Variants in YKT6 observed in about 807,000 individuals in gnomAD.
YKT6 encodes the protein YKT6 vesicular SNARE protein, also known as synaptobrevin homolog YKT6.
In YKT6, 12 loss-of-function variants were observed where a neutral mutation model predicts 29.3. The observed-to-expected ratio is 0.41, with a 90% confidence interval of 0.26 to 0.66. YKT6 has a LOEUF of 0.66. Among genes scored for constraint, YKT6 ranks in the 30% least tolerant of loss-of-function variants. YKT6 has a pLI of 0.32. For synonymous variants in YKT6, 86 were observed against 94.3 expected (o/e 0.91, Z 0.51); for missense variants, 188 against 243.8 (o/e 0.77, Z 1.52).
At chr7:44,210,338 G>C (rs1259072528) in intron 5 of YKT6, among the ~76,000 whole-genome samples, 1 of 152,200 alleles carries the variant, frequency 6.6e-6, no homozygotes, top group Non-Finnish European at 1.5e-5. Flanking sequence ...CCAGCCTCTG[G>C]TGGCTGCTGG....
rs1232817709 is a variant in YKT6, at chr7:44,211,220, T to G, written c.561+96T>G. On this transcript the variant is annotated intron_variant, in intron 6 of 6. Transcript: ENST00000223369. ...ACTCTCCACTATGAACGGGTCTTTC[T>G]TAGACTGTTGAATCATGGTGGATGA... is the stretch of plus-strand genomic sequence containing the variant. 4 of 1,119,508 alleles carry G rather than the reference T, an allele frequency of 3.6e-6. No individual in the cohort carries two copies. The African/African-American group carries it at 4.7e-5, about 13-fold the overall frequency. The allele number at this position is 1,119,508 out of a possible 1,614,324, so 69.3% of individuals were successfully genotyped here. A position where few individuals can be genotyped will look rare whatever the true frequency, so the allele number is the denominator to read the frequency against.
chr7:44,210,907 TTG>T, intron 5 of YKT6, 114 bp from the exon 6 acceptor site: 1 of 967,736 alleles, frequency 1.0e-6, no homozygotes, highest in Non-Finnish European at 1.6e-6. Context: ...GAGGTGAAGT[TTG>T]TGTGTGTTGG....
At chr7:44,206,714 A>C (rs1030439525) in intron 3 of YKT6, among the ~76,000 whole-genome samples, 11 of 152,132 alleles carry the variant, frequency 7.2e-5, no homozygotes, top group Non-Finnish European at 1.5e-4. Flanking sequence ...CCACTGAGTC[A>C]TAGCATCTAT....
At chr7:44,208,106 A>G in intron 4 of YKT6, 27 bp from the exon 5 acceptor site, 1 of 1,612,406 alleles carries the variant, frequency 6.2e-7, no homozygotes, top group Non-Finnish European at 8.5e-7. Context: ...TCCAGTCCTG[A>G]CTTTATTATT....
Position 44,206,497 on chromosome 7 carries a change from A to G in YKT6, c.288+12A>G. 6.2e-7 allele frequency: 1 copy of G among 1,611,318 alleles called. No individual in the cohort carries two copies. On this transcript the variant is annotated intron_variant, in intron 3 of 6. Transcript: ENST00000223369. ...CCTTGCTGGAGAAGGTGAGTTTTTT[A>G]TTTGCCTCTCCTGGACTTGGATGAT...
chr7:44,214,172 C>G lies in YKT6; in HGVS notation c.*1890C>G, dbSNP rs1232330115. On this transcript the variant is annotated 3_prime_UTR_variant, in exon 7 of 7. Transcript: ENST00000223369. ...CCCAGCCCAGCCCCACCCACAGATC[C>G]CCTGCTCCTGTTGTGTTCTGTTGTA... 2 of 152,258 alleles carry G rather than the reference C, an allele frequency of 1.3e-5. No homozygotes were observed. The highest frequency in any genetic ancestry group is 4.8e-5 in the African/African-American group (2 of 41,454). 9.4% of individuals were successfully genotyped at this position (152,258 alleles called of 1,614,324 possible).
chr7:44,206,233 G>A, intron 2 of YKT6, 152 bp from the exon 3 acceptor site: 1 of 707,298 alleles, frequency 1.4e-6, no homozygotes, highest in Non-Finnish European at 2.4e-6. Context: ...ATTGGGCTGT[G>A]CTGCTAAGCC....
intron 5 of YKT6, 195 bp from the exon 6 acceptor site, chr7:44,210,828 G>A (rs1251628819): frequency 4.7e-6 from 3 of 644,582 alleles, no homozygotes; most frequent in Non-Finnish European, 2.9e-6. Context: ...TAGATTTCAC[G>A]GGAATGTCAC....
chr7:44,202,004 G>A (rs1363746038), intron 1 of YKT6, among the ~76,000 whole-genome samples: 1 of 152,174 alleles, frequency 6.6e-6, no homozygotes, highest in Non-Finnish European at 1.5e-5. Context: ...TTAATTGCTG[G>A]AACGTGTTAG....
chr7:44,212,124 T>G, intron 6 of YKT6, 123 bp from the exon 7 acceptor site: 1 of 1,180,722 alleles, frequency 8.5e-7, no homozygotes. Context: ...CCCCACCCTG[T>G]TCTAGTGCTA....
chr7:44,202,296 G>A (rs914887101), intron 1 of YKT6, among the ~76,000 whole-genome samples: 20 of 152,212 alleles, frequency 1.3e-4, no homozygotes, highest in African/African-American at 4.6e-4. Flanking sequence ...TGGTAAAATG[G>A]TACACAAAAT....
chr7:44,208,228 G>T, intron 5 of YKT6, 30 bp downstream of exon 5: 3 of 1,612,640 alleles, frequency 1.9e-6, no homozygotes, highest in Non-Finnish European at 1.7e-6. Flanking sequence ...GCAAGCCCAA[G>T]AACTGAGGCG....
intron 6 of YKT6, 63 bp downstream of exon 6, chr7:44,211,187 C>A: frequency 7.2e-7 from 1 of 1,392,456 alleles, no homozygotes; most frequent in Non-Finnish European, 1.0e-6. Flanking sequence ...CAGCTTGCTG[C>A]TTCTGGCACT....
chr7:44,203,005 C>T (rs1468436710), intron 1 of YKT6, among the ~76,000 whole-genome samples: 2 of 152,178 alleles, frequency 1.3e-5, no homozygotes, highest in African/African-American at 4.8e-5. Context: ...GGGATGCCCA[C>T]ACTAGTTTCC....
chr7:44,205,802 GAGGC>G (rs2128839161), intron 2 of YKT6, among the ~76,000 whole-genome samples: 1 of 152,286 alleles, frequency 6.6e-6, no homozygotes, highest in South Asian at 2.1e-4. Context: ...CAGTGCTCTG[GAGGC>G]CTTAGCTGGC....
At position 44,204,604 on chromosome 7, in the gene YKT6, T is replaced by C. The variant is rs754467340; in HGVS notation, c.141T>C (p.Ile47=). ...TCATGACCTTCACGAGTCAACTGAT[T>C]GTGGAGCGCTCATCGAAAGGCACTA... is the stretch of plus-strand genomic sequence containing the variant. ...QEFMTFTSQL[I]VERSSKGTRA... Residue 47 remains isoleucine, a synonymous_variant, in exon 2 of 7, where the codon ATT becomes ATC. Transcript: ENST00000223369. 6.2e-7 allele frequency: 1 copy of C among 1,614,106 alleles called. No individual in the cohort carries two copies. The highest frequency in any genetic ancestry group is 2.2e-5 in the East Asian group (1 of 44,902).
rs1236791282 is a variant in YKT6 at position 44,207,261 on chromosome 7, C to T, written c.289-127C>T. On this transcript the variant is annotated intron_variant, in intron 3 of 6. Coordinates refer to ENST00000223369, the MANE Select transcript of YKT6 (RefSeq NM_006555.4). ...GTTGCCATTATATGTCCCCCTCATTCCTCCTTCCTGGGCTGTGAAGGCCAA... is the reference window on the plus strand; with the variant it reads ...GTTGCCATTATATGTCCCCCTCATTTCTCCTTCCTGGGCTGTGAAGGCCAA... 11 of 646,768 alleles carry T rather than the reference C, an allele frequency of 1.7e-5. No homozygotes were observed. The South Asian group carries it at 2.0e-4, about 12-fold the overall frequency. 40.1% of individuals were successfully genotyped at this position (646,768 alleles called of 1,614,324 possible). A position where few individuals can be genotyped will look rare whatever the true frequency, so the allele number is the denominator to read the frequency against.
intron 1 of YKT6, among the ~76,000 whole-genome samples, chr7:44,203,074 C>T (rs1368752063): frequency 2.0e-5 from 3 of 152,288 alleles, no homozygotes; most frequent in East Asian, 1.9e-4. Context: ...TAAAACAACA[C>T]ATGTCCCAGC....
At chr7:44,203,765 C>G (rs2096338191) in intron 1 of YKT6, among the ~76,000 whole-genome samples, 1 of 152,176 alleles carries the variant, frequency 6.6e-6, no homozygotes, top group Non-Finnish European at 1.5e-5. Flanking sequence ...CAGAGTCAGG[C>G]CTTCAGTTAC....
Sources: allele counts gnomAD v4.1 joint callset (sites outside exome capture counted in the v4.1 genomes callset), GRCh38; gene constraint gnomAD v4.1.1; transcripts MANE v1.5; gene names NCBI Gene and HGNC (gene_info 2026-07-23, HGNC 2026-07-21).